Variants in GMEB1 observed in about 807,000 individuals in gnomAD.
GMEB1 encodes the protein glucocorticoid modulatory element binding protein 1.
GMEB1 carries 6 observed loss-of-function variants against 52.4 expected under a neutral mutation model. That is an observed-to-expected ratio of 0.11 (90% CI 0.06 to 0.23). The LOEUF is 0.23. GMEB1 is among the 10% of genes least tolerant of loss of function. The pLI is 1.00. For missense variants in GMEB1, 486 were observed against 685.6 expected, an observed-to-expected ratio of 0.71 and a Z score of 3.25; for synonymous variants, 255 against 244.9, an observed-to-expected ratio of 1.04 and a Z score of -0.38.
chr1:28,679,131 G>A (rs776387402), intron 1 of GMEB1, among the ~76,000 whole-genome samples: 3 of 150,704 alleles, frequency 2.0e-5, no homozygotes, highest in African/African-American at 4.9e-5. Flanking sequence ...TGATCCGCCC[G>A]TCTCGACCTC....
intron 9 of GMEB1, 121 bp from the exon 10 acceptor site, chr1:28,713,952 C>A: frequency 1.4e-6 from 1 of 723,806 alleles, no homozygotes; most frequent in Non-Finnish European, 2.4e-6. Context: ...AACAATGTCA[C>A]AACTTGCCTG....
At chr1:28,700,439 G>A (rs1449709470) in intron 6 of GMEB1, among the ~76,000 whole-genome samples, 2 of 151,330 alleles carry the variant, frequency 1.3e-5, no homozygotes, top group African/African-American at 2.4e-5. Flanking sequence ...GCGTGAACTC[G>A]GGAGGTGGAG....
chr1:28,683,833 C>T, intron 2 of GMEB1, 93 bp downstream of exon 2: 1 of 1,159,538 alleles, frequency 8.6e-7, no homozygotes. Flanking sequence ...CACAATGGAA[C>T]ATTTAACATC....
chr1:28,689,836 T>C (rs1229354044), intron 2 of GMEB1: 2 of 325,230 alleles, frequency 6.1e-6, no homozygotes, highest in Non-Finnish European at 1.1e-5. Context: ...TGTAATACAG[T>C]AGCAAGTGGT....
chr1:28,682,014 G>A (rs1269338222), intron 1 of GMEB1, among the ~76,000 whole-genome samples: 4 of 151,884 alleles, frequency 2.6e-5, no homozygotes, highest in Non-Finnish European at 5.9e-5. Context: ...CTGACTACAC[G>A]TTTTGTACTC....
chr1:28,689,838 G>T, intron 2 of GMEB1: 1 of 330,214 alleles, frequency 3.0e-6, no homozygotes, highest in Non-Finnish European at 5.5e-6. Context: ...TAATACAGTA[G>T]CAAGTGGTGG....
At chr1:28,713,924 A>G (rs1671172015) in intron 9 of GMEB1, 149 bp from the exon 10 acceptor site, 3 of 654,122 alleles carry the variant, frequency 4.6e-6, no homozygotes, top group Non-Finnish European at 2.7e-6. Context: ...CTGCCCCCCA[A>G]ATAAGCACAA....
rs865901012 is a variant in GMEB1 at position 28,710,602 on chromosome 1, A to G, written c.951A>G (p.Gln317=). 2 of 1,609,082 alleles carry G rather than the reference A, an allele frequency of 1.2e-6. No individual in the cohort carries two copies. The highest frequency in any genetic ancestry group is 2.7e-5 in the African/African-American group (2 of 74,882). Residue 317 remains glutamine, a synonymous_variant, in exon 9 of 10, where the codon CAA becomes CAG. Transcript: ENST00000373816. ...VKKVLDNRRN[Q]VEQGEEQFLY... ...AGGTTTTAGACAACAGAAGGAACCA[A>G]GTAGAGCAGGGAGAAGAACAGTTTC...
At chr1:28,668,949 G>GGGGGCTGCTGCCTCCGCGGGCGC (rs1553133620) in intron 1 of GMEB1, 110 bp downstream of exon 1, 1 of 145,242 alleles carries the variant, frequency 6.9e-6, no homozygotes, top group Non-Finnish European at 1.5e-5. Context: ...GCAGGGGGCG[G>GGGGGCTGCTGCCTCCGCGGGCGC]GGGGCTGCTG....
chr1:28,708,116 C>T (rs1340862881), intron 8 of GMEB1, among the ~76,000 whole-genome samples: 2 of 152,050 alleles, frequency 1.3e-5, no homozygotes, highest in Non-Finnish European at 2.9e-5. Context: ...GCAGGCTGGT[C>T]TCAAACTCCT....
In GMEB1 at chr1:28,714,506, G is replaced by A. The variant is rs1671202903; in HGVS notation, c.1425G>A (p.Leu475=). The A allele has an allele frequency of 6.2e-7, 1 of 1,614,164 alleles. No homozygotes were observed. Among genetic ancestry groups the A allele is most frequent in the African/African-American group, 1.3e-5 (1 of 75,054 alleles). The change falls in exon 10 of 10, where the codon CTG becomes CTA. Residue 475 remains leucine (L), a synonymous_variant. Coordinates refer to ENST00000373816, the MANE Select transcript of GMEB1 (RefSeq NM_001319674.2). ...SSTAMQDGST[L]GNMTTMVSPV... ...CTGCCATGCAGGATGGGAGTACACT[G>A]GGCAACATGACCACCATGGTTAGCC...
chr1:28,668,361 A>G (rs1668697587), upstream of GMEB1, among the ~76,000 whole-genome samples: 1 of 151,996 alleles, frequency 6.6e-6, no homozygotes, highest in Non-Finnish European at 1.5e-5. Flanking sequence ...TGATCTATGC[A>G]GATCTTCTGA....
chr1:28,713,516 A>G (rs1022848343), intron 9 of GMEB1, among the ~76,000 whole-genome samples: 5 of 152,164 alleles, frequency 3.3e-5, no homozygotes, highest in Non-Finnish European at 7.3e-5. Context: ...TCCCTGTCAA[A>G]ATGAATTTGT....
At chr1:28,695,111 C>T (rs769689669) in intron 5 of GMEB1, among the ~76,000 whole-genome samples, 43 of 150,668 alleles carry the variant, frequency 2.9e-4, no homozygotes, top group Non-Finnish European at 5.6e-4. Context: ...ATTACAGGTG[C>T]GCGCCACCAC....
rs1481799630 is a variant in GMEB1, at chr1:28,691,711, T to C, written c.336+2T>C. 6.7e-7 allele frequency: 1 copy of C among 1,487,022 alleles called. No homozygotes were observed. The highest frequency in any genetic ancestry group is 1.4e-5 in the South Asian group (1 of 69,694). 92.1% of individuals were successfully genotyped at this position (1,487,022 alleles called of 1,614,324 possible). On this transcript the variant is annotated splice_donor_variant, in intron 4 of 9. Transcript: ENST00000373816. LOFTEE classifies it high-confidence loss of function. The stretch of plus-strand genomic sequence containing the variant: ...GGAATAAACGTGAAGTGTGTCAAGG[T>C]AATTGTCTTTTCCATGCTGAAGCCA...
chr1:28,703,600 C>T (rs1464899231), intron 7 of GMEB1, among the ~76,000 whole-genome samples: 1 of 152,002 alleles, frequency 6.6e-6, no homozygotes, highest in Non-Finnish European at 1.5e-5. Context: ...GTGGAGGTTG[C>T]AGTGAGCTGA....
intron 1 of GMEB1, among the ~76,000 whole-genome samples, chr1:28,682,254 C>T (rs368757013): frequency 6.6e-6 from 1 of 151,956 alleles, no homozygotes; most frequent in Non-Finnish European, 1.5e-5. Flanking sequence ...TGGTGCTGGA[C>T]GTTGGTTTCC....
At chr1:28,683,473 C>T (rs576973802) in intron 1 of GMEB1, 110 bp from the exon 2 acceptor site, 2 of 836,248 alleles carry the variant, frequency 2.4e-6, no homozygotes, top group South Asian at 3.6e-5. Context: ...GATCCGCCTG[C>T]CTAGCTAGGC....
At chr1:28,686,045 T>A (rs565873465) in intron 2 of GMEB1, among the ~76,000 whole-genome samples, 200 of 152,272 alleles carry the variant, frequency 1.3e-3, no homozygotes, top group African/African-American at 4.7e-3. Context: ...ATTTACTGGT[T>A]GTTGAAATTA....
Sources: allele counts gnomAD v4.1 joint callset (sites outside exome capture counted in the v4.1 genomes callset), GRCh38; gene constraint gnomAD v4.1.1; transcripts MANE v1.5; gene names NCBI Gene and HGNC (gene_info 2026-07-23, HGNC 2026-07-21).